KLHL8: variants seen among roughly 807,000 people sequenced by gnomAD.
The protein encoded by KLHL8 is kelch-like protein 8.
A neutral mutation model predicts 63.5 loss-of-function variants in KLHL8; 38 were observed. The observed-to-expected ratio is 0.60, with a 90% CI of 0.46 to 0.78. The LOEUF is 0.78. Ranked by LOEUF, KLHL8 falls within the 30% of genes least tolerant of loss-of-function variation. The pLI is 0.00. For synonymous variants in KLHL8, 224 were observed against 254.3 expected, an observed-to-expected ratio of 0.88 and a Z score of 1.13; for missense variants, 566 against 752.4, an observed-to-expected ratio of 0.75 and a Z score of 2.90.
chr4:87,170,107 G>T lies in KLHL8; in HGVS notation c.1509C>A (p.Ser503Arg). 2 of 1,614,038 alleles carry T rather than the reference G, an allele frequency of 1.2e-6. No homozygotes were observed. Among genetic ancestry groups the T allele is most frequent in the Non-Finnish European group, 1.7e-6 (2 of 1,179,942 alleles). The stretch of plus-strand genomic sequence containing the variant: ...CTACGTATAAGCAACCATGAAGCTT[G>T]CTAACTCCATTGCCTGCTCTTCGCT... ...MGQRRAGNGV[S>R]KLHGCLYVVG... The change falls in exon 8 of 10, where the codon AGC (serine) becomes AGA (arginine). Residue 503 changes from serine to arginine, a missense_variant. Ser to Arg is a moderately radical substitution (Grantham distance 110, BLOSUM62 -1). Transcript: ENST00000273963.
At position 87,185,305 on chromosome 4, in the gene KLHL8, C is replaced by T; in HGVS notation, c.711G>A (p.Trp237Ter). The part of the protein sequence containing the change: ...EKQVYNAAIK[W>*]LLANPQHHSK... Reference sequence around the variant, plus strand: ...AATGATGCTGAGGATTGGCAAGAAGCCACTTGATGGCAGCATTATAGACCT... The same window carrying T: ...AATGATGCTGAGGATTGGCAAGAAGTCACTTGATGGCAGCATTATAGACCT... The change falls in exon 3 of 10, where the codon TGG becomes TGA. Residue 237 changes from tryptophan to a stop codon, truncating the protein, a stop_gained. Transcript: ENST00000273963. LOFTEE classifies it high-confidence loss of function. 1 of 1,614,094 alleles carries T rather than the reference C, an allele frequency of 6.2e-7. No homozygotes were observed. The highest frequency in any genetic ancestry group is 8.5e-7 in the Non-Finnish European group (1 of 1,179,978).
chr4:87,220,390 G>A (rs1732787181), intron 1 of KLHL8, 28 bp downstream of exon 1: 2 of 152,184 alleles, frequency 1.3e-5, no homozygotes, highest in Admixed American at 1.3e-4. Context: ...GAGACGAGGG[G>A]ACTGAGGGGA....
intron 8 of KLHL8, 152 bp from the exon 9 acceptor site, chr4:87,164,231 T>TA (rs1730288030): frequency 1.5e-6 from 1 of 649,338 alleles, no homozygotes; most frequent in African/African-American, 1.8e-5. Flanking sequence ...AATACCTGTC[T>TA]ACCACCACCA....
rs775217479 is a variant in KLHL8 at position 87,183,213 on chromosome 4, C to T, written c.942G>A (p.Lys314=). Residue 314 remains lysine, a synonymous_variant, in exon 4 of 10, where the codon AAG becomes AAA. Coordinates refer to ENST00000273963, the MANE Select transcript of KLHL8 (RefSeq NM_020803.5). ...AAATAATTTGGTTACCAGCAGTATG[C>T]TTCCTTGGGGTAGTCCGAATGGAGT... ...FEYSIRTTPR[K]HTAGVLFCVG... is the part of the protein sequence containing the mutation. 3 of 1,597,002 alleles carry T rather than the reference C, an allele frequency of 1.9e-6. No individual in the cohort carries two copies. The highest frequency in any genetic ancestry group is 2.2e-5 in the East Asian group (1 of 44,476).
chr4:87,207,733 G>C (rs1732198936), intron 1 of KLHL8: 2 of 867,448 alleles, frequency 2.3e-6, no homozygotes, highest in East Asian at 4.9e-5. Context: ...TGCCAAGGCT[G>C]TGGGAAAGGC....
chr4:87,226,628 AT>A (rs1560723228), intron 1 of KLHL8, among the ~76,000 whole-genome samples: 1 of 93,158 alleles, frequency 1.1e-5, no homozygotes, highest in Non-Finnish European at 2.0e-5. Flanking sequence ...AATAATATAT[AT>A]TACTTATATA....
upstream of KLHL8, among the ~76,000 whole-genome samples, chr4:87,224,567 G>A (rs772567817): frequency 1.8e-4 from 27 of 152,150 alleles, no homozygotes; most frequent in Non-Finnish European, 2.8e-4. Flanking sequence ...CCTGAACACC[G>A]CCAGCAAGAC....
chr4:87,179,587 CAACAG>C (rs1262720151), intron 4 of KLHL8, among the ~76,000 whole-genome samples: 15 of 151,910 alleles, frequency 9.9e-5, no homozygotes, highest in African/African-American at 3.6e-4. Flanking sequence ...CCAGCCTGGG[CAACAG>C]AACAAGACCC....
chr4:87,214,444 AT>A (rs1383012834), intron 1 of KLHL8, among the ~76,000 whole-genome samples: 5 of 83,714 alleles, frequency 6.0e-5, no homozygotes, highest in Middle Eastern at 6.5e-3. Context: ...ATATATATAT[AT>A]ATATATATAT....
chr4:87,193,921 A>G (rs943391415), intron 2 of KLHL8, among the ~76,000 whole-genome samples: 18 of 152,242 alleles, frequency 1.2e-4, no homozygotes, highest in African/African-American at 4.3e-4. Context: ...ATACTGATTT[A>G]CTAGCGGAAT....
intron 1 of KLHL8, among the ~76,000 whole-genome samples, chr4:87,205,783 G>T (rs950430999): frequency 1.3e-5 from 2 of 152,000 alleles, no homozygotes; most frequent in African/African-American, 4.8e-5. Context: ...CACTTATTTT[G>T]CCATGCCATA....
intron 1 of KLHL8, among the ~76,000 whole-genome samples, chr4:87,200,138 CAAAAAAAA>C (rs61605160): frequency 2.7e-5 from 2 of 73,704 alleles, no homozygotes; most frequent in East Asian, 3.8e-4. Context: ...GAGACTGCCT[CAAAAAAAA>C]AAAAAAAAAA....
chr4:87,224,205 C>T (rs1732933114), upstream of KLHL8, among the ~76,000 whole-genome samples: 1 of 152,116 alleles, frequency 6.6e-6, no homozygotes, highest in Non-Finnish European at 1.5e-5. Context: ...GGGTTTCGGC[C>T]TCCCAAAGTG....
chr4:87,177,946 C>A (rs956982741), intron 5 of KLHL8, among the ~76,000 whole-genome samples: 1 of 152,022 alleles, frequency 6.6e-6, no homozygotes, highest in African/African-American at 2.4e-5. Context: ...AGATTGTACA[C>A]CAAAATGTCA....
At chr4:87,226,804 ATATAT>A (rs1733009847) in intron 1 of KLHL8, among the ~76,000 whole-genome samples, 1 of 12,232 alleles carries the variant, frequency 8.2e-5, no homozygotes, top group African/African-American at 5.4e-4. Context: ...TATATATAAT[ATATAT>A]TATATATAAT....
At chr4:87,204,633 T>C (rs1016376673) in intron 1 of KLHL8, among the ~76,000 whole-genome samples, 1 of 152,150 alleles carries the variant, frequency 6.6e-6, no homozygotes, top group Non-Finnish European at 1.5e-5. Context: ...TACCTCACAA[T>C]AAAAAGGAAC....
chr4:87,182,590 T>A (rs1012998513), intron 4 of KLHL8, among the ~76,000 whole-genome samples: 2 of 152,136 alleles, frequency 1.3e-5, no homozygotes, highest in African/African-American at 4.8e-5. Flanking sequence ...AAGTGATACT[T>A]CTTATAGCAT....
chr4:87,167,355 G>A (rs964739), intron 8 of KLHL8: 42,848 of 433,732 alleles, frequency 0.099, 5,069 homozygotes, highest in African/African-American at 0.39. Flanking sequence ...TTTATAAAGA[G>A]CCATCTACAG....
intron 1 of KLHL8, among the ~76,000 whole-genome samples, chr4:87,211,756 C>A (rs1732416218): frequency 6.6e-6 from 1 of 152,100 alleles, no homozygotes; most frequent in Admixed American, 6.6e-5. Context: ...AACTGGAAGT[C>A]AGGGCGTGCT....
Sources: gnomAD v4.1 joint callset for allele counts (sites outside exome capture counted in the v4.1 genomes callset) on GRCh38, gnomAD v4.1.1 for gene constraint, MANE v1.5 for transcripts, NCBI Gene and HGNC (gene_info 2026-07-23, HGNC 2026-07-21) for gene names.